Variants in MCF2L observed in about 807,000 individuals in gnomAD.
MCF2L encodes the protein guanine nucleotide exchange factor DBS.
A neutral mutation model predicts 153.4 loss-of-function variants in MCF2L; 97 were observed. The ratio of observed to expected loss-of-function variants is 0.63; its 90% confidence interval spans 0.54 to 0.75. The LOEUF (loss-of-function observed/expected upper bound fraction) is 0.75, where lower values mean the gene tolerates loss of function less well. Among genes scored for constraint, MCF2L ranks in the 30% least tolerant of loss-of-function variants. The pLI, the probability that MCF2L is intolerant of heterozygous loss-of-function variation, is 0.00. For synonymous variants in MCF2L, 659 were observed against 632.2 expected, an observed-to-expected ratio of 1.04 and a Z score of -0.64; for missense variants, 1,347 against 1,495.2, an observed-to-expected ratio of 0.90 and a Z score of 1.64.
At chr13:112,926,789 G>C (rs1228647298) in intron 2 of MCF2L, among the ~76,000 whole-genome samples, 5 of 152,158 alleles carry the variant, frequency 3.3e-5, no homozygotes, top group Non-Finnish European at 7.4e-5. Flanking sequence ...AGTGGCGGTC[G>C]CCTGGGGCAG....
chr13:113,033,208 C>T (rs967162424), intron 3 of MCF2L, among the ~76,000 whole-genome samples: 38 of 138,230 alleles, frequency 2.7e-4, no homozygotes, highest in South Asian at 9.3e-4. Flanking sequence ...CGTGAGTGGC[C>T]CCCGTGACAT....
chr13:113,051,008 ATAACT>A (rs2087274560), intron 4 of MCF2L, among the ~76,000 whole-genome samples: 1 of 152,058 alleles, frequency 6.6e-6, no homozygotes, highest in African/African-American at 2.4e-5. Flanking sequence ...TGCGCGCTGC[ATAACT>A]GCGGCGACAC....
intron 27 of MCF2L, chr13:113,095,888 G>A: frequency 1.3e-6 from 1 of 762,710 alleles, no homozygotes; most frequent in Non-Finnish European, 1.6e-6. Context: ...AGACAAAGCG[G>A]GAACAGCACA....
chr13:113,056,676 CGG>C, intron 4 of MCF2L, among the ~76,000 whole-genome samples: 1 of 122,840 alleles, frequency 8.1e-6, no homozygotes, highest in African/African-American at 3.3e-5. Flanking sequence ...TGTGTGGGTG[CGG>C]AGTGTTTGGG....
rs552930929 is a variant in MCF2L at position 112,979,557 on chromosome 13, C to A, written c.79+10099C>A. The A allele has an allele frequency of 2.1e-5, 33 of 1,553,030 alleles. No individual in the cohort carries two copies. The South Asian group carries it at 3.5e-4, about 17-fold the overall frequency. ...GCACCCGCCCGGCTTTTAGCTGTCGCAGCAGAGACCCGAAGGCTGTGGCTC... is the reference window on the plus strand; with the variant it reads ...GCACCCGCCCGGCTTTTAGCTGTCGAAGCAGAGACCCGAAGGCTGTGGCTC... On this transcript the variant is annotated intron_variant, in intron 1 of 29. Coordinates refer to ENST00000535094, the MANE Select transcript of MCF2L (RefSeq NM_001112732.3).
At chr13:112,953,466 CG>C (rs1366733629) in intron 2 of MCF2L, among the ~76,000 whole-genome samples, 4 of 152,208 alleles carry the variant, frequency 2.6e-5, no homozygotes, top group African/African-American at 9.7e-5. Context: ...ACAAGCTAAC[CG>C]GTATGCACGG....
At chr13:112,908,880 C>T (rs564751713) in intron 2 of MCF2L, among the ~76,000 whole-genome samples, 2 of 152,092 alleles carry the variant, frequency 1.3e-5, no homozygotes, top group South Asian at 2.1e-4. Flanking sequence ...TGCACGCCAC[C>T]GCAACTGGCT....
chr13:113,057,502 GTGTTTGGGTGCTGAGTGTT>G (rs1206491557), intron 4 of MCF2L, among the ~76,000 whole-genome samples: 6 of 138,416 alleles, frequency 4.3e-5, no homozygotes, highest in Non-Finnish European at 9.3e-5. Context: ...TGGGCGCTGA[GTGTTTGGGTGCTGAGTGTT>G]TGGGTGCTGA....
intron 2 of MCF2L, among the ~76,000 whole-genome samples, chr13:112,959,029 G>A (rs942047491): frequency 3.9e-5 from 6 of 152,200 alleles, no homozygotes; most frequent in African/African-American, 9.7e-5. Flanking sequence ...AGAAACTTCC[G>A]TACGCACAGA....
At chr13:113,082,962 T>A (rs1023722828) in intron 17 of MCF2L, among the ~76,000 whole-genome samples, 1 of 152,154 alleles carries the variant, frequency 6.6e-6, no homozygotes, top group Admixed American at 6.5e-5. Flanking sequence ...CAAGGCCTGT[T>A]TTGTTCCCAA....
At chr13:113,084,439 C>T (rs916937173) in intron 18 of MCF2L, 1 of 338,506 alleles carries the variant, frequency 3.0e-6, no homozygotes, top group Non-Finnish European at 5.4e-6. Context: ...CTTCTGTGCC[C>T]CTAGAACCAT....
intron 1 of MCF2L, chr13:112,979,201 T>G: frequency 2.4e-6 from 1 of 424,516 alleles, no homozygotes; most frequent in Non-Finnish European, 3.2e-6. Context: ...TTGTAGTTGT[T>G]TGTTTGAACT....
chr13:112,987,093 C>T (rs2082676824), intron 1 of MCF2L, among the ~76,000 whole-genome samples: 1 of 150,576 alleles, frequency 6.6e-6, no homozygotes, highest in Non-Finnish European at 1.5e-5. Context: ...ACACAGATGG[C>T]ACCCGGTGAA....
Position 112,969,575 on chromosome 13 carries a change from T to G in MCF2L, c.79+117T>G. 1 of 1,496,684 alleles carries G rather than the reference T, an allele frequency of 6.7e-7. No individual in the cohort carries two copies. The highest frequency in any genetic ancestry group is 9.0e-7 in the Non-Finnish European group (1 of 1,112,690). 92.7% of individuals were successfully genotyped at this position (1,496,684 alleles called of 1,614,324 possible). On this transcript the variant is annotated intron_variant, in intron 1 of 29. Transcript: ENST00000535094. This position sits in a 1 kb window ranked among gnomAD's most constrained non-coding sequence, Gnocchi z 4.8. ...CCCTCGTGTTCCTTTCTAGCCGTGG[T>G]AGCTGTGACATGGGGGGCACTGGTT...
Position 113,074,176 on chromosome 13 carries a change from C to T in MCF2L, c.997-268C>T, listed in dbSNP as rs1045942799. On this transcript the variant is annotated intron_variant, in intron 9 of 29. Transcript: ENST00000535094. This position sits in a 1 kb window ranked among gnomAD's most constrained non-coding sequence, Gnocchi z 4.2. ...TGTTTTCAGGCGTGTGGTTGATAAA[C>T]GGAGGCACACACAAGCCACAGAGAA... Among the ~76,000 whole-genome samples the T allele has an allele frequency of 2.0e-5, 3 of 152,138 alleles. No homozygotes were observed. The highest frequency in any genetic ancestry group is 1.3e-4 in the Admixed American group (2 of 15,286).
intron 2 of MCF2L, among the ~76,000 whole-genome samples, chr13:112,949,944 T>C (rs541167597): frequency 4.7e-4 from 71 of 151,848 alleles, no homozygotes; most frequent in Admixed American, 1.0e-3. Context: ...AATGAAATAA[T>C]TGAAACAGTC....
At chr13:113,032,394 C>A (rs2141376076) in intron 3 of MCF2L, among the ~76,000 whole-genome samples, 1 of 152,360 alleles carries the variant, frequency 6.6e-6, no homozygotes, top group East Asian at 1.9e-4. Flanking sequence ...TCACCTCCTG[C>A]TTCCCTCCCC....
rs1461134795 is a variant in MCF2L, at chr13:113,031,022, GAA to G, written c.278+6266_278+6267del. 6.6e-6 allele frequency among the ~76,000 whole-genome samples: 1 copy of G among 152,020 alleles called. No homozygotes were observed. The highest frequency in any genetic ancestry group is 1.9e-4 in the East Asian group (1 of 5,136). On this transcript the variant is annotated intron_variant, in intron 3 of 29. Transcript: ENST00000535094. The surrounding 1 kb of genome is among the most constrained non-coding windows in gnomAD (Gnocchi z 5.5). ...GGCTGTGGGAAAACAATGTGAGAAA[GAA>G]AGAGAGACAGAGAGACAGAGACAGA...
chr13:112,946,462 G>A (rs2081638637), intron 2 of MCF2L, among the ~76,000 whole-genome samples: 1 of 152,184 alleles, frequency 6.6e-6, no homozygotes, highest in Non-Finnish European at 1.5e-5. Flanking sequence ...TTGTACAAAT[G>A]GGCTGGAAGT....
Sources: gnomAD v4.1 joint callset for allele counts (sites outside exome capture counted in the v4.1 genomes callset) on GRCh38, gnomAD v4.1.1 for gene constraint, Gnocchi (gnomAD v3.1) non-coding constraint, MANE v1.5 for transcripts, NCBI Gene and HGNC (gene_info 2026-07-23, HGNC 2026-07-21) for gene names.